Variants in PAPOLA observed in about 807,000 individuals in gnomAD.
PAPOLA encodes the protein poly(A) polymerase alpha, also known as polynucleotide adenylyltransferase alpha.
In PAPOLA, 15 loss-of-function variants were observed where a neutral mutation model predicts 100.6. That is an observed-to-expected ratio of 0.15 (90% CI 0.10 to 0.23). PAPOLA has a LOEUF of 0.23. Ranked by LOEUF, PAPOLA falls within the 10% of genes least tolerant of loss-of-function variation. PAPOLA has a pLI of 1.00. For missense variants in PAPOLA, 533 were observed against 884.2 expected (o/e 0.60, Z 5.04); for synonymous variants, 293 against 300.0 (o/e 0.98, Z 0.24).
chr14:96,534,417 C>G, intron 9 of PAPOLA, 74 bp from the exon 10 acceptor site: 1 of 1,576,122 alleles, frequency 6.3e-7, no homozygotes, highest in Non-Finnish European at 8.6e-7. Flanking sequence ...TTCACAAATG[C>G]TGTATGTTTA....
At chr14:96,528,063 A>G in intron 6 of PAPOLA, 57 bp downstream of exon 6, 9 of 1,133,434 alleles carry the variant, frequency 7.9e-6, no homozygotes, top group Non-Finnish European at 1.2e-5. Context: ...ATTTTGATTG[A>G]TATAGGTTAA....
chr14:96,518,115 A>G (rs923029707), intron 1 of PAPOLA, among the ~76,000 whole-genome samples: 19 of 152,232 alleles, frequency 1.2e-4, no homozygotes, highest in African/African-American at 4.3e-4. Flanking sequence ...TAATTTCTGC[A>G]AGAGATAAAT....
At chr14:96,502,380 C>G (rs1281310964), upstream of PAPOLA, 3 of 698,182 alleles carry the variant, frequency 4.3e-6, no homozygotes, top group Non-Finnish European at 7.8e-6. Flanking sequence ...GTCAGCAGTT[C>G]TAGAACGTTG....
At chr14:96,547,258 A>C (rs1468818285) in intron 15 of PAPOLA, among the ~76,000 whole-genome samples, 1 of 152,046 alleles carries the variant, frequency 6.6e-6, no homozygotes, top group Non-Finnish European at 1.5e-5. Context: ...GGATCTAAAT[A>C]ATTTGAATTT....
intron 11 of PAPOLA, 132 bp from the exon 12 acceptor site, chr14:96,536,844 A>G (rs1052832241): frequency 1.8e-5 from 11 of 601,894 alleles, no homozygotes; most frequent in East Asian, 2.8e-5. Context: ...CTCTAAAATC[A>G]TAAGCTAAAA....
At chr14:96,502,877 C>G (rs1896403016) in intron 1 of PAPOLA, 1 of 408,320 alleles carries the variant, frequency 2.4e-6, no homozygotes, top group South Asian at 7.4e-5. Flanking sequence ...GAACCTCTAA[C>G]TCGCCCGGCC....
chr14:96,543,091 CA>C (rs1330584696), intron 14 of PAPOLA, among the ~76,000 whole-genome samples, 198 bp downstream of exon 14: 3 of 152,058 alleles, frequency 2.0e-5, no homozygotes, highest in Non-Finnish European at 4.4e-5. Context: ...AATCAGCACA[CA>C]TTTTTTTTCT....
At chr14:96,535,467 G>T (rs938540752) in intron 10 of PAPOLA, 2 of 983,686 alleles carry the variant, frequency 2.0e-6, no homozygotes, top group African/African-American at 1.7e-5. Flanking sequence ...TAGTTTCAGG[G>T]TATATTAAGA....
intron 20 of PAPOLA, among the ~76,000 whole-genome samples, chr14:96,560,940 T>C (rs1901792981): frequency 6.6e-6 from 1 of 152,170 alleles, no homozygotes; most frequent in South Asian, 2.1e-4. Flanking sequence ...AAGTCATGAA[T>C]GTAATTAATT....
rs760106775 is a variant in PAPOLA, at chr14:96,532,464, C to G, written c.697+44C>G. On this transcript the variant is annotated intron_variant, in intron 8 of 21. Transcript: ENST00000216277. ...GGCTAGCTTATTAAAAATGTTCAAA[C>G]TTTTGTTCAACACTAACTTATCTTT... 5.6e-6 allele frequency: 9 copies of G among 1,606,730 alleles called. No homozygotes were observed. In the South Asian group the frequency reaches 1.0e-4, roughly 18 times the overall value.
chr14:96,527,237 G>T, intron 4 of PAPOLA, 193 bp from the exon 5 acceptor site: 1 of 551,366 alleles, frequency 1.8e-6, no homozygotes, highest in Non-Finnish European at 3.2e-6. Context: ...GATGCTGCAG[G>T]ATCAAAATAT....
At chr14:96,529,956 T>C (rs1898850536) in intron 6 of PAPOLA, among the ~76,000 whole-genome samples, 1 of 152,254 alleles carries the variant, frequency 6.6e-6, no homozygotes, top group African/African-American at 2.4e-5. Context: ...CCCAGTGTTT[T>C]TGTTTTACTT....
rs757697345 is a variant in PAPOLA, at chr14:96,542,888, C to T, written c.1284C>T (p.Pro428=). Residue 428 remains proline, a synonymous_variant, in exon 14 of 22, where the codon CCC becomes CCT. Coordinates refer to ENST00000216277, the MANE Select transcript of PAPOLA (RefSeq NM_032632.5). ...PQSFPAPKEN[P]DKEEFRTMWV... is the part of the protein sequence containing the mutation. The stretch of plus-strand genomic sequence containing the variant: ...CATTTCCAGCACCCAAAGAAAATCC[C>T]GACAAGTAAGCCCTTTTCTAATTTA... 36 of 1,611,584 alleles carry T rather than the reference C, an allele frequency of 2.2e-5. No homozygotes were observed. Among genetic ancestry groups the T allele is most frequent in the African/African-American group, 5.4e-5 (4 of 74,708 alleles).
chr14:96,538,475 T>C lies in PAPOLA; in HGVS notation c.1115+1415T>C, dbSNP rs374579339. 1.3e-4 allele frequency among the ~76,000 whole-genome samples: 20 copies of C among 152,178 alleles called. No individual in the cohort carries two copies. In the South Asian group the frequency reaches 4.1e-3, roughly 31 times the overall value. ...AAACTATGCTTCAGTCCTTGCTGGATAGTACCTGTAAGTTCTTTGACTGGT... is the reference window on the plus strand; with the variant it reads ...AAACTATGCTTCAGTCCTTGCTGGACAGTACCTGTAAGTTCTTTGACTGGT... On this transcript the variant is annotated intron_variant, in intron 12 of 21. Coordinates refer to ENST00000216277, the MANE Select transcript of PAPOLA (RefSeq NM_032632.5).
chr14:96,511,873 C>T (rs1460518495), intron 1 of PAPOLA, among the ~76,000 whole-genome samples: 1 of 152,126 alleles, frequency 6.6e-6, no homozygotes, highest in Non-Finnish European at 1.5e-5. Flanking sequence ...GCAATATTTG[C>T]TTTGGATTTA....
chr14:96,536,013 C>T lies in PAPOLA; in HGVS notation c.1030+14C>T. 6.4e-7 allele frequency: 1 copy of T among 1,574,296 alleles called. No individual in the cohort carries two copies. Among genetic ancestry groups the T allele is most frequent in the Non-Finnish European group, 8.6e-7 (1 of 1,159,528 alleles). ...AGTTTAAACAAGGTAAGTGTTTATC[C>T]TTATGCTCTGATTTATACAGGAAGG... On this transcript the variant is annotated intron_variant, in intron 11 of 21. Transcript: ENST00000216277.
intron 16 of PAPOLA, among the ~76,000 whole-genome samples, chr14:96,549,035 T>A (rs1490750628): frequency 5.9e-5 from 9 of 152,072 alleles, no homozygotes. Flanking sequence ...ATTGTGGCAA[T>A]ATTTTTACCT....
At chr14:96,532,697 G>A in intron 9 of PAPOLA, 48 bp downstream of exon 9, 1 of 1,513,180 alleles carries the variant, frequency 6.6e-7, no homozygotes, top group Non-Finnish European at 8.8e-7. Context: ...AGACACTGAA[G>A]TTTAGTCTTA....
rs1901338889 is a variant in PAPOLA, at chr14:96,556,430, C to A, written c.2004+17C>A. 6.6e-7 allele frequency: 1 copy of A among 1,505,488 alleles called. No homozygotes were observed. The highest frequency in any genetic ancestry group is 9.2e-7 in the Non-Finnish European group (1 of 1,084,504). 93.3% of individuals were successfully genotyped at this position (1,505,488 alleles called of 1,614,324 possible). On this transcript the variant is annotated intron_variant, in intron 19 of 21. Transcript: ENST00000216277. ...ACAGAAGAGGTATATATATGAAAAA[C>A]ATATTAGTTAGCCATGGCAACACCA... is the stretch of plus-strand genomic sequence containing the variant.
Sources: gnomAD v4.1 joint callset for allele counts (sites outside exome capture counted in the v4.1 genomes callset) on GRCh38, gnomAD v4.1.1 for gene constraint, MANE v1.5 for transcripts, NCBI Gene and HGNC (gene_info 2026-07-23, HGNC 2026-07-21) for gene names.